Variants in TRANK1 observed in about 807,000 individuals in gnomAD.
The protein encoded by TRANK1 is TPR and ankyrin repeat-containing protein 1.
TRANK1 carries 198 observed loss-of-function variants against 266.0 expected under a neutral mutation model. The ratio of observed to expected loss-of-function variants is 0.74; its 90% confidence interval spans 0.66 to 0.84. The LOEUF (loss-of-function observed/expected upper bound fraction) is 0.84. Among genes scored for constraint, TRANK1 ranks in the 40% least tolerant of loss-of-function variants. TRANK1 has a pLI of 0.00. For missense variants in TRANK1, 3,326 were observed against 3,634.6 expected (o/e 0.92, Z 2.18); for synonymous variants, 1,396 against 1,384.1 (o/e 1.01, Z -0.19).
chr3:36,895,598 A>C lies in TRANK1; in HGVS notation c.552+42T>G, dbSNP rs941486362. ...GCCAATGGAAAGGAATCATTTCATCAAGAATGTACTCTCCCCGTGAGAGCC... is the reference window on the plus strand; with the variant it reads ...GCCAATGGAAAGGAATCATTTCATCCAGAATGTACTCTCCCCGTGAGAGCC... On this transcript the variant is annotated intron_variant, in intron 5 of 23. Transcript: ENST00000645898. 3.3e-6 allele frequency: 4 copies of C among 1,211,128 alleles called. No homozygotes were observed. The African/African-American group carries it at 6.2e-5, about 19-fold the overall frequency. The allele number at this position is 1,211,128 out of a possible 1,614,324, so 75.0% of individuals were successfully genotyped here. A position where few individuals can be genotyped will look rare whatever the true frequency, so the allele number is the denominator to read the frequency against.
At chr3:36,852,386 A>G in intron 13 of TRANK1, 41 bp from the exon 14 acceptor site, 1 of 1,498,060 alleles carries the variant, frequency 6.7e-7, no homozygotes, top group African/African-American at 1.4e-5. Context: ...AATTAACAAC[A>G]TGGCTGAGTT....
At position 36,832,760 on chromosome 3, in the gene TRANK1, T is replaced by G. The variant is rs1409272139; in HGVS notation, c.6823A>C (p.Lys2275Gln). The G allele has an allele frequency of 6.2e-7, 1 of 1,613,872 alleles. No homozygotes were observed. The highest frequency in any genetic ancestry group is 8.5e-7 in the Non-Finnish European group (1 of 1,179,886). ...CKSILDVLFP[K>Q]HFHQRVLSEN... is the part of the protein sequence containing the mutation. ...GACAACACTCTCTGATGGAAATGCT[T>G]AGGGAAAAGGACATCCAGAATGGAC... The change falls in exon 22 of 24, where the codon AAG becomes CAG. Residue 2275 changes from lysine to glutamine, a missense_variant. Lys to Gln is a moderately conservative substitution (Grantham distance 53). Coordinates refer to ENST00000645898, the MANE Select transcript of TRANK1 (RefSeq NM_001329998.2).
Position 36,855,358 on chromosome 3 carries a change from T to C in TRANK1, c.4364A>G (p.Asn1455Ser), listed in dbSNP as rs201449378. Reference sequence around the variant, plus strand: ...CGTGAGGAACATAGAGTTGGGGTCATTGATGCATTTCATCAGCAGCGCCAG... The same window carrying C: ...CGTGAGGAACATAGAGTTGGGGTCACTGATGCATTTCATCAGCAGCGCCAG... ...AELALLMKCI[N>S]DPNSMFLTGD... The change falls in exon 13 of 24, where the codon AAT becomes AGT. Residue 1455 changes from asparagine (N) to serine (S), a missense_variant. By Grantham distance (46) the Asn-to-Ser change is conservative. Coordinates refer to ENST00000645898, the MANE Select transcript of TRANK1 (RefSeq NM_001329998.2). 1.1e-5 allele frequency: 17 copies of C among 1,614,054 alleles called. No individual in the cohort carries two copies. The African/African-American group carries it at 1.3e-4, about 13-fold the overall frequency.
intron 9 of TRANK1, among the ~76,000 whole-genome samples, chr3:36,865,027 T>G (rs141242687): frequency 5.7e-4 from 52 of 91,402 alleles, no homozygotes; most frequent in East Asian, 9.2e-4. Flanking sequence ...TTTTTTGGTT[T>G]TTTTTTTTTT....
chr3:36,907,774 A>C (rs2079994490), intron 2 of TRANK1, among the ~76,000 whole-genome samples: 1 of 152,150 alleles, frequency 6.6e-6, no homozygotes, highest in African/African-American at 2.4e-5. Context: ...AATATTTTTA[A>C]ATAAATACAT....
intron 1 of TRANK1, 65 bp downstream of exon 1, chr3:36,944,722 C>G: frequency 6.7e-7 from 1 of 1,494,202 alleles, no homozygotes; most frequent in Non-Finnish European, 8.9e-7. Context: ...GGCCGCCTCC[C>G]GCCAGGAAGG....
chr3:36,905,456 C>T (rs1018250117), intron 2 of TRANK1, among the ~76,000 whole-genome samples: 7 of 152,146 alleles, frequency 4.6e-5, no homozygotes, highest in Admixed American at 1.3e-4. Context: ...CCTCTTTGCA[C>T]GTAACACAGT....
At chr3:36,865,301 C>T (rs1575224399) in intron 9 of TRANK1, among the ~76,000 whole-genome samples, 1 of 152,070 alleles carries the variant, frequency 6.6e-6, no homozygotes, top group Non-Finnish European at 1.5e-5. Context: ...GCTGGGATTA[C>T]AGGCGTGAGC....
At chr3:36,872,068 A>G (rs952797163) in intron 9 of TRANK1, among the ~76,000 whole-genome samples, 2 of 152,228 alleles carry the variant, frequency 1.3e-5, no homozygotes, top group African/African-American at 2.4e-5. Flanking sequence ...CAAAGATCAG[A>G]AGATAATTAG....
Position 36,855,437 on chromosome 3 carries a change from A to G in TRANK1, c.4285T>C (p.Trp1429Arg), listed in dbSNP as rs1453331430. 4 of 1,614,010 alleles carry G rather than the reference A, an allele frequency of 2.5e-6. No individual in the cohort carries two copies. Among genetic ancestry groups the G allele is most frequent in the South Asian group, 1.1e-5 (1 of 91,086 alleles). The change falls in exon 13 of 24, where the codon TGG (tryptophan) becomes CGG (arginine). Residue 1429 changes from tryptophan to arginine, a missense_variant. By Grantham distance (101) the Trp-to-Arg change is moderately radical (BLOSUM62 -3). Coordinates refer to ENST00000645898, the MANE Select transcript of TRANK1 (RefSeq NM_001329998.2). Reference protein sequence around the residue: ...RRLSKLRVLPWSIHELYGDEI... With the variant: ...RRLSKLRVLPRSIHELYGDEI... ...TCACCATAGAGCTCGTGGATGGACC[A>G]TGGGAGCACCCTGAGCTTCGACAGC...
Position 36,899,278 on chromosome 3 carries a change from CA to C in TRANK1, c.283-20del. ...AGTATCCCTGGAACAGGATAAAAAG[CA>C]AAACTGTCATGTACCACATCTCCTT... is the stretch of plus-strand genomic sequence containing the variant. On this transcript the variant is annotated intron_variant, in intron 3 of 23. Transcript: ENST00000645898. 3 of 1,535,272 alleles carry C rather than the reference CA, an allele frequency of 2.0e-6. No individual in the cohort carries two copies. Among genetic ancestry groups the C allele is most frequent in the Non-Finnish European group, 2.6e-6 (3 of 1,146,116 alleles).
chr3:36,889,327 G>A (rs1291700529), intron 8 of TRANK1, among the ~76,000 whole-genome samples: 1 of 152,166 alleles, frequency 6.6e-6, no homozygotes, highest in Non-Finnish European at 1.5e-5. Flanking sequence ...ATGGTGCACC[G>A]GTGTCAGAAG....
chr3:36,873,020 G>A (rs2079332446), intron 9 of TRANK1, among the ~76,000 whole-genome samples: 1 of 152,170 alleles, frequency 6.6e-6, no homozygotes, highest in African/African-American at 2.4e-5. Context: ...GAGGAACAAG[G>A]TTTTACAGTA....
chr3:36,932,701 ATG>A (rs918406049), intron 1 of TRANK1, among the ~76,000 whole-genome samples: 1 of 152,176 alleles, frequency 6.6e-6, no homozygotes, highest in African/African-American at 2.4e-5. Context: ...TTAAGGATGT[ATG>A]TGTGTGTGTA....
At chr3:36,864,255 T>A in intron 10 of TRANK1, 64 bp downstream of exon 10, 2 of 1,412,080 alleles carry the variant, frequency 1.4e-6, no homozygotes, top group Non-Finnish European at 1.9e-6. Context: ...GAACAGATAT[T>A]AGAAAAGAAT....
rs1360771711 is a variant in TRANK1 at position 36,856,015 on chromosome 3, C to T, written c.3707G>A (p.Arg1236Lys). The part of the protein sequence containing the change: ...DPNIHKLQDL[R>K]DENFPLFVTS... ...GACAAACAGAGGAAAGTTCTCGTCCCTCAGGTCCTGGAGTTTGTGAATGTT... is the reference window on the plus strand; with the variant it reads ...GACAAACAGAGGAAAGTTCTCGTCCTTCAGGTCCTGGAGTTTGTGAATGTT... The change falls in exon 13 of 24, where the codon AGG becomes AAG. Residue 1236 changes from arginine to lysine, a missense_variant. Arg to Lys is a conservative substitution (Grantham distance 26). Transcript: ENST00000645898. 3 of 1,613,738 alleles carry T rather than the reference C, an allele frequency of 1.9e-6. 1 individual carries two copies. Among genetic ancestry groups the T allele is most frequent in the Admixed American group, 3.3e-5 (2 of 59,978 alleles).
chr3:36,922,580 G>T (rs142994829), intron 1 of TRANK1, among the ~76,000 whole-genome samples: 114 of 151,782 alleles, frequency 7.5e-4, no homozygotes, highest in African/African-American at 2.5e-3. Flanking sequence ...ACTGTAGCCT[G>T]GGTGAAAAAG....
At chr3:36,892,852 C>CATATATATATATAT (rs60833390) in intron 6 of TRANK1, 49 bp downstream of exon 6, 21 of 582,036 alleles carry the variant, frequency 3.6e-5, no homozygotes, top group East Asian at 1.9e-4. Flanking sequence ...CAAAACAAAA[C>CATATATATATATAT]ATATATATAT....
chr3:36,838,264 TG>T, intron 20 of TRANK1, 107 bp downstream of exon 20: 1 of 1,490,384 alleles, frequency 6.7e-7, no homozygotes, highest in East Asian at 2.3e-5. Context: ...TCTCCCTCCT[TG>T]GAAGACTGCA....
Sources: gnomAD v4.1 joint callset for allele counts (sites outside exome capture counted in the v4.1 genomes callset) on GRCh38, gnomAD v4.1.1 for gene constraint, MANE v1.5 for transcripts, NCBI Gene and HGNC (gene_info 2026-07-23, HGNC 2026-07-21) for gene names.